The following LCA5 variants were observed in gnomAD, a reference collection of about 807,000 sequenced individuals.
LCA5 encodes lebercilin.
In LCA5, 37 loss-of-function variants were observed where a neutral mutation model predicts 53.0. That is an observed-to-expected ratio of 0.70 (90% CI 0.54 to 0.92). The LOEUF (loss-of-function observed/expected upper bound fraction) is 0.92. Among genes scored for constraint, LCA5 ranks in the 40% least tolerant of loss-of-function variants. The pLI is 0.00. For synonymous variants in LCA5, 303 were observed against 282.9 expected (o/e 1.07, Z -0.71); for missense variants, 806 against 790.5 (o/e 1.02, Z -0.23).
At chr6:79,519,982 A>C (rs1418565802) in intron 1 of LCA5, among the ~76,000 whole-genome samples, 1 of 151,994 alleles carries the variant, frequency 6.6e-6, no homozygotes, top group African/African-American at 2.4e-5. Context: ...AAATAATAAC[A>C]CTCAATGCTG....
rs541426125 is a variant in LCA5 at position 79,495,478 on chromosome 6, G to A, written c.721-1728C>T. Among the ~76,000 whole-genome samples, 85 of 152,084 alleles carry A rather than the reference G, an allele frequency of 5.6e-4. 2 individuals carry two copies. In the South Asian group the frequency reaches 0.016, roughly 28 times the overall value. Reference sequence around the variant, plus strand: ...GAGTATATAAAAAGTCGGGCCAGGCGCGGTGGCTCATGTCTGTAATCCCAG... The same window carrying A: ...GAGTATATAAAAAGTCGGGCCAGGCACGGTGGCTCATGTCTGTAATCCCAG... On this transcript the variant is annotated intron_variant, in intron 3 of 7. Coordinates refer to ENST00000369846, the MANE Select transcript of LCA5 (RefSeq NM_001122769.3).
intron 3 of LCA5, among the ~76,000 whole-genome samples, chr6:79,512,483 C>A (rs1027448064): frequency 6.6e-6 from 1 of 152,104 alleles, no homozygotes; most frequent in Non-Finnish European, 1.5e-5. Flanking sequence ...ACTGCAGAAA[C>A]CTAATTTATT....
At position 79,487,464 on chromosome 6, in the gene LCA5, G is replaced by A. The variant is rs1769700195; in HGVS notation, c.1634C>T (p.Pro545Leu). The change falls in exon 8 of 8, where the codon CCA becomes CTA. Residue 545 changes from proline (P) to leucine (L), a missense_variant. Physicochemically the swap from Pro to Leu is moderately conservative, Grantham distance 98. Transcript: ENST00000369846. ...AAATGCGAACTCATTAGGGGAGGCT[G>A]GACTTCTAACATTTCCTGAATTCTG... ...EGQNSGNVRS[P>L]ASPNEFAFGS... 1.9e-6 allele frequency: 3 copies of A among 1,613,896 alleles called. No homozygotes were observed.
intron 3 of LCA5, among the ~76,000 whole-genome samples, chr6:79,499,675 T>C (rs1441557159): frequency 2.0e-5 from 3 of 151,868 alleles, no homozygotes; most frequent in Non-Finnish European, 4.4e-5. Context: ...CCCACTTTTT[T>C]TTTTCCTTTT....
At chr6:79,510,985 A>G (rs1770395985) in intron 3 of LCA5, among the ~76,000 whole-genome samples, 1 of 152,070 alleles carries the variant, frequency 6.6e-6, no homozygotes. Flanking sequence ...AAAAAATGAT[A>G]CCACTACTTT....
At chr6:79,512,851 T>C (rs539432145) in intron 3 of LCA5, among the ~76,000 whole-genome samples, 58 of 152,250 alleles carry the variant, frequency 3.8e-4, no homozygotes, top group African/African-American at 1.2e-3. Flanking sequence ...ATAATGTGCA[T>C]AAATATAAAA....
intron 1 of LCA5, among the ~76,000 whole-genome samples, chr6:79,526,517 C>A (rs1204981196): frequency 2.0e-5 from 3 of 152,258 alleles, no homozygotes; most frequent in Non-Finnish European, 4.4e-5. Context: ...GCACTCCAGC[C>A]TGGGCGACAG....
At position 79,493,753 on chromosome 6, in the gene LCA5, A is replaced by G. The variant is rs749489026; in HGVS notation, c.721-3T>C. 20 of 1,605,690 alleles carry G rather than the reference A, an allele frequency of 1.2e-5. No individual in the cohort carries two copies. The highest frequency in any genetic ancestry group is 3.3e-4 in the Middle Eastern group (2 of 6,012). On this transcript the variant is annotated splice_region_variant and splice_polypyrimidine_tract_variant and intron_variant, in intron 3 of 7. Transcript: ENST00000369846. ...AGTTCAAGGTTTTTCGATAGCTCCT[A>G]TATGTATAAATACATAAAAAGCAGT... is the stretch of plus-strand genomic sequence containing the variant.
At chr6:79,533,220 T>A (rs1767007244) in intron 1 of LCA5, among the ~76,000 whole-genome samples, 1 of 152,190 alleles carries the variant, frequency 6.6e-6, no homozygotes, top group African/African-American at 2.4e-5. Flanking sequence ...AATATAATTA[T>A]TCTTTTTCTT....
At chr6:79,496,338 G>A (rs1037358932) in intron 3 of LCA5, among the ~76,000 whole-genome samples, 3 of 152,150 alleles carry the variant, frequency 2.0e-5, no homozygotes, top group African/African-American at 7.2e-5. Flanking sequence ...ACAGGAGAAA[G>A]AAAAGCCAGT....
chr6:79,504,191 C>G (rs1009221071), intron 3 of LCA5, among the ~76,000 whole-genome samples: 1 of 152,172 alleles, frequency 6.6e-6, no homozygotes, highest in African/African-American at 2.4e-5. Context: ...TTTTAAAATG[C>G]TCTACTGACC....
Position 79,487,088 on chromosome 6 carries a change from G to T in LCA5, c.2010C>A (p.His670Gln), listed in dbSNP as rs1265437122. Residue 670 changes from histidine to glutamine, a missense_variant, in exon 8 of 8, where the codon CAC becomes CAA. By Grantham distance (24) the His-to-Gln change is conservative. Transcript: ENST00000369846. ...GTTTATCGTCTGCATGTTTTAATCG[G>T]TGCCTATTTGGATTAAAACTTCTTC... The part of the protein sequence containing the change: ...SEGRSFNPNR[H>Q]RLKHADDKPA... 3.1e-6 allele frequency: 5 copies of T among 1,613,300 alleles called. No individual in the cohort carries two copies. The highest frequency in any genetic ancestry group is 4.2e-6 in the Non-Finnish European group (5 of 1,179,498).
rs2127665354 is a variant in LCA5, at chr6:79,487,085, T to G, written c.2013A>C (p.Arg671=). The G allele has an allele frequency of 6.2e-7, 1 of 1,613,986 alleles. No homozygotes were observed. Among genetic ancestry groups the G allele is most frequent in the South Asian group, 1.1e-5 (1 of 91,082 alleles). ...EGRSFNPNRH[R]LKHADDKPAV... ...CTGGTTTATCGTCTGCATGTTTTAA[T>G]CGGTGCCTATTTGGATTAAAACTTC... Residue 671 remains arginine, a synonymous_variant, in exon 8 of 8, where the codon CGA becomes CGC. Coordinates refer to ENST00000369846, the MANE Select transcript of LCA5 (RefSeq NM_001122769.3).
At chr6:79,492,719 C>T in intron 4 of LCA5, 72 bp from the exon 5 acceptor site, 1 of 785,780 alleles carries the variant, frequency 1.3e-6, no homozygotes. Context: ...CTCACTTTGT[C>T]ATCTGGTATT....
intron 3 of LCA5, 127 bp from the exon 4 acceptor site, chr6:79,493,877 G>C (rs1402300992): frequency 3.0e-6 from 2 of 663,254 alleles, no homozygotes; most frequent in Admixed American, 5.8e-5. Context: ...ACTGGGCATA[G>C]TATTCATGTA....
chr6:79,513,747 A>AAAGAAAC lies in LCA5; in HGVS notation c.191-13_191-7dup, dbSNP rs755286708. 1 of 1,613,150 alleles carries AAAGAAAC rather than the reference A, an allele frequency of 6.2e-7. No homozygotes were observed. The highest frequency in any genetic ancestry group is 8.5e-7 in the Non-Finnish European group (1 of 1,179,370). On this transcript the variant is annotated splice_polypyrimidine_tract_variant and splice_region_variant and intron_variant, in intron 2 of 7. Coordinates refer to ENST00000369846, the MANE Select transcript of LCA5 (RefSeq NM_001122769.3). Reference sequence around the variant, plus strand: ...AGGGCTTGGTTTCCGAGGGGCTAAAAAAGAAACAGGAATAATGTAAAGTGA... The same window carrying AAAGAAAC: ...AGGGCTTGGTTTCCGAGGGGCTAAAAAAGAAACAAGAAACAGGAATAATGTAAAGTGA...
intron 3 of LCA5, among the ~76,000 whole-genome samples, chr6:79,499,387 C>T (rs995633410): frequency 1.3e-5 from 2 of 151,878 alleles, no homozygotes; most frequent in Non-Finnish European, 2.9e-5. Flanking sequence ...GTAGTTACTT[C>T]TGAGCAAGGA....
intron 3 of LCA5, among the ~76,000 whole-genome samples, chr6:79,509,857 CTAAA>C (rs891073145): frequency 2.6e-5 from 4 of 152,084 alleles, no homozygotes; most frequent in African/African-American, 9.6e-5. Context: ...ATCGGATTGC[CTAAA>C]TAAATGGAGA....
At chr6:79,488,616 T>C (rs1769742320) in intron 7 of LCA5, 1 of 184,958 alleles carries the variant, frequency 5.4e-6, no homozygotes, top group African/African-American at 2.4e-5. Context: ...TAGAATACAG[T>C]CTAAGAGAAT....
Sources: allele counts gnomAD v4.1 joint callset (sites outside exome capture counted in the v4.1 genomes callset), GRCh38; gene constraint gnomAD v4.1.1; transcripts MANE v1.5; gene names NCBI Gene and HGNC (gene_info 2026-07-23, HGNC 2026-07-21).